The following HMCN2 variants were observed in gnomAD, a reference collection of about 807,000 sequenced individuals.
HMCN2 encodes the protein hemicentin 2, also known as hemicentin-2.
HMCN2 carries 325 observed loss-of-function variants against 377.5 expected under a neutral mutation model. That is an observed-to-expected ratio of 0.86 (90% CI 0.79 to 0.94). The LOEUF (loss-of-function observed/expected upper bound fraction) is 0.94, where lower values mean the gene tolerates loss of function less well. HMCN2 is among the 40% of genes least tolerant of loss of function. The pLI, the probability that HMCN2 is intolerant of heterozygous loss-of-function variation, is 0.00. For missense variants in HMCN2, 4,543 were observed against 4,725.3 expected (o/e 0.96, Z 1.13); for synonymous variants, 2,007 against 2,046.8 (o/e 0.98, Z 0.53).
intron 85 of HMCN2, among the ~76,000 whole-genome samples, chr9:130,411,857 A>G (rs909330545): frequency 1.5e-5 from 2 of 136,360 alleles, no homozygotes; most frequent in African/African-American, 2.6e-5. Flanking sequence ...TCAGTTTAGC[A>G]AGAGAAAAAA....
intron 15 of HMCN2, among the ~76,000 whole-genome samples, chr9:130,313,370 C>A (rs1387939356): frequency 6.6e-6 from 1 of 150,422 alleles, no homozygotes; most frequent in Admixed American, 6.6e-5. Flanking sequence ...GACCAGCCTG[C>A]GAGGCACTGG....
intron 54 of HMCN2, among the ~76,000 whole-genome samples, chr9:130,380,356 T>C (rs1361724696): frequency 6.6e-6 from 1 of 152,154 alleles, no homozygotes; most frequent in African/African-American, 2.4e-5. Flanking sequence ...GAAGCGTGGG[T>C]GGTCTCTCTG....
chr9:130,408,610 C>G, intron 83 of HMCN2, 133 bp from the exon 84 acceptor site: 1 of 449,264 alleles, frequency 2.2e-6, no homozygotes, highest in African/African-American at 2.1e-5. Flanking sequence ...TGACTAAACA[C>G]AACCATGCTG....
chr9:130,278,915 T>C (rs1291106688), intron 1 of HMCN2, among the ~76,000 whole-genome samples: 1 of 150,440 alleles, frequency 6.6e-6, no homozygotes, highest in Non-Finnish European at 1.5e-5. Context: ...TTTTTTTTTT[T>C]TGAGACGGAG....
chr9:130,426,277 C>G (rs913675332), intron 90 of HMCN2, among the ~76,000 whole-genome samples: 3 of 152,214 alleles, frequency 2.0e-5, no homozygotes, highest in African/African-American at 4.8e-5. Flanking sequence ...ACCCAAGGAG[C>G]CAGGAACCAC....
At chr9:130,374,961 A>G (rs1564829760) in intron 49 of HMCN2, among the ~76,000 whole-genome samples, 3 of 152,224 alleles carry the variant, frequency 2.0e-5, no homozygotes, top group African/African-American at 4.8e-5. Flanking sequence ...CCTGAGGCTC[A>G]GAGAGGTGAC....
intron 19 of HMCN2, among the ~76,000 whole-genome samples, chr9:130,324,252 T>C (rs1314021149): frequency 2.6e-5 from 4 of 152,166 alleles, no homozygotes; most frequent in Admixed American, 6.5e-5. Context: ...AGGGACTTCA[T>C]AGAAGTGGAA....
intron 62 of HMCN2, among the ~76,000 whole-genome samples, chr9:130,390,098 G>T (rs1305682046): frequency 1.3e-5 from 2 of 152,208 alleles, no homozygotes; most frequent in African/African-American, 4.8e-5. Context: ...GGTGGCTGCA[G>T]GCCCCACCTC....
Position 130,425,052 on chromosome 9 carries a change from C to T in HMCN2, c.13563C>T (p.Pro4521=), listed in dbSNP as rs956560731. Residue 4521 remains proline (P), a synonymous_variant, in exon 89 of 98, where the codon CCC becomes CCT. Transcript: ENST00000683500. The part of the protein sequence containing the change: ...TMTQVARGLD[P]DGLLLLDVVV... ...CCCAGGTGGCCCGGGGTCTGGATCC[C>T]GATGGCCTCCTGCTCCTCGACGTGG... The T allele has an allele frequency of 4.5e-6, 7 of 1,550,128 alleles. No individual in the cohort carries two copies. The highest frequency in any genetic ancestry group is 2.4e-5 in the East Asian group (1 of 40,924).
intron 86 of HMCN2, 189 bp downstream of exon 86, chr9:130,419,230 GTGC>G: frequency 2.0e-6 from 1 of 505,414 alleles, no homozygotes; most frequent in Non-Finnish European, 3.3e-6. Flanking sequence ...AATCTTGGAG[GTGC>G]TGTTTGCTGC....
At chr9:130,392,876 G>C (rs1040432797) in intron 66 of HMCN2, among the ~76,000 whole-genome samples, 1 of 151,876 alleles carries the variant, frequency 6.6e-6, no homozygotes, top group Non-Finnish European at 1.5e-5. Flanking sequence ...GGCGCCTGTA[G>C]TCCCAGCTAC....
intron 19 of HMCN2, among the ~76,000 whole-genome samples, chr9:130,323,223 C>G (rs1837943380): frequency 6.6e-6 from 1 of 152,168 alleles, no homozygotes; most frequent in Non-Finnish European, 1.5e-5. Flanking sequence ...ATTTATGGGC[C>G]TCTGCTGGCT....
Position 130,392,193 on chromosome 9 carries a change from T to C in HMCN2, c.10136+75T>C, listed in dbSNP as rs541784246. ...GTGGGGATTGTCAGCAAATGGGAGG[T>C]GCTGGAAGCCAGGACTGGCTGCAAC... On this transcript the variant is annotated intron_variant, in intron 66 of 97. Coordinates refer to ENST00000683500, the MANE Select transcript of HMCN2 (RefSeq NM_001291815.2). 3.1e-6 allele frequency: 3 copies of C among 967,836 alleles called. No homozygotes were observed. The African/African-American group carries it at 5.3e-5, about 17-fold the overall frequency. 60.0% of individuals were successfully genotyped at this position (967,836 alleles called of 1,614,324 possible).
intron 23 of HMCN2, among the ~76,000 whole-genome samples, chr9:130,339,437 G>A (rs1310975018): frequency 6.6e-6 from 1 of 152,204 alleles, no homozygotes; most frequent in Non-Finnish European, 1.5e-5. Flanking sequence ...AGAGTGGGAA[G>A]GGGCTCCAGG....
chr9:130,390,698 A>T (rs1842273032), intron 62 of HMCN2, among the ~76,000 whole-genome samples: 1 of 151,530 alleles, frequency 6.6e-6, no homozygotes, highest in Admixed American at 6.6e-5. Context: ...GAGAAAGCAA[A>T]AGCAGAAACC....
intron 11 of HMCN2, among the ~76,000 whole-genome samples, chr9:130,305,396 G>C (rs1205655659): frequency 1.3e-5 from 2 of 152,176 alleles, no homozygotes; most frequent in Admixed American, 6.5e-5. Flanking sequence ...GGCAGAGATC[G>C]GGCAGCACTG....
chr9:130,407,344 C>T (rs769519118), intron 82 of HMCN2: 10 of 290,556 alleles, frequency 3.4e-5, no homozygotes, highest in Non-Finnish European at 6.7e-5. Context: ...TGCCCTTGAC[C>T]GTTTATCAAA....
intron 43 of HMCN2, among the ~76,000 whole-genome samples, chr9:130,366,467 A>ATT (rs71499234): frequency 0.11 from 8,946 of 82,916 alleles, 1,582 homozygotes; most frequent in East Asian, 0.29. Flanking sequence ...CACTTCACCA[A>ATT]TTTTTTTTTT....
In HMCN2 at chr9:130,355,747, G is replaced by A. The variant is rs1472878634; in HGVS notation, c.5148G>A (p.Val1716=). ...CCCAGGAGTGTGTTCTGCCTGCAGT[G>A]CCCCCACAGCTCCTGGTGGCTGAAG... ...AVLQYSVEVQ[V]PPQLLVAEGL... The change falls in exon 33 of 98, where the codon GTG becomes GTA. Residue 1716 remains valine, a splice_region_variant and synonymous_variant. Transcript: ENST00000683500. 7.7e-7 allele frequency: 1 copy of A among 1,302,336 alleles called. No homozygotes were observed. Among genetic ancestry groups the A allele is most frequent in the East Asian group, 5.6e-5 (1 of 18,016 alleles). 80.7% of individuals were successfully genotyped at this position (1,302,336 alleles called of 1,614,324 possible).
Sources: gnomAD v4.1 joint callset for allele counts (sites outside exome capture counted in the v4.1 genomes callset) on GRCh38, gnomAD v4.1.1 for gene constraint, MANE v1.5 for transcripts, NCBI Gene and HGNC (gene_info 2026-07-23, HGNC 2026-07-21) for gene names.